CAAP1: variants seen among roughly 807,000 people sequenced by gnomAD.
CAAP1 encodes the protein conserved anti-apoptotic protein.
Under a neutral mutation model 34.0 loss-of-function variants are expected in CAAP1, and 20 were observed. That is an observed-to-expected ratio of 0.59 (90% CI 0.41 to 0.86). The LOEUF (loss-of-function observed/expected upper bound fraction) is 0.86, where lower values mean the gene tolerates loss of function less well. Among genes scored for constraint, CAAP1 ranks in the 40% least tolerant of loss-of-function variants. The probability of loss-of-function intolerance (pLI) is 0.00; values close to 1 mark genes in which losing one functional copy is unlikely to be tolerated. For synonymous variants in CAAP1, 213 were observed against 166.7 expected (o/e 1.28, Z -2.14); for missense variants, 538 against 450.5 (o/e 1.19, Z -1.76).
intron 1 of CAAP1, 87 bp downstream of exon 1, chr9:26,892,326 T>C: frequency 6.4e-7 from 1 of 1,555,704 alleles, no homozygotes. Flanking sequence ...AGCAGTGAGC[T>C]CCAGCCTGCG....
At chr9:26,873,536 G>C (rs1297548335) in intron 4 of CAAP1, among the ~76,000 whole-genome samples, 1 of 152,028 alleles carries the variant, frequency 6.6e-6, no homozygotes, top group African/African-American at 2.4e-5. Context: ...TGCTATTCAA[G>C]ACTTAAATTT....
chr9:26,860,733 G>C lies in CAAP1; in HGVS notation c.739+333C>G, dbSNP rs541721246. ...CGTGAACCGGGAGGCTGAGCTTGCAGTGAGCCAAGATCGCGCCACTGCACT... is the reference window on the plus strand; with the variant it reads ...CGTGAACCGGGAGGCTGAGCTTGCACTGAGCCAAGATCGCGCCACTGCACT... On this transcript the variant is annotated intron_variant, in intron 5 of 5. Transcript: ENST00000333916. Among the ~76,000 whole-genome samples the C allele has an allele frequency of 7.2e-3, 1,090 of 152,276 alleles. 14 individuals carry two copies. The highest frequency in any genetic ancestry group is 0.025 in the African/African-American group (1,032 of 41,556).
Position 26,842,070 on chromosome 9 carries a change from C to T in CAAP1, c.*231G>A. The T allele has an allele frequency of 2.6e-6, 1 of 382,212 alleles. No homozygotes were observed. The highest frequency in any genetic ancestry group is 4.6e-6 in the Non-Finnish European group (1 of 215,116). 23.7% of individuals were successfully genotyped at this position (382,212 alleles called of 1,614,324 possible). ...CTAAATACTCATCTAACAAAGTATC[C>T]AGGCTATCCAACTATATTGCCATGA... On this transcript the variant is annotated 3_prime_UTR_variant, in exon 6 of 6. Coordinates refer to ENST00000333916, the MANE Select transcript of CAAP1 (RefSeq NM_024828.4).
chr9:26,889,623 G>A (rs1823846883), intron 1 of CAAP1, among the ~76,000 whole-genome samples: 1 of 151,928 alleles, frequency 6.6e-6, no homozygotes, highest in Non-Finnish European at 1.5e-5. Flanking sequence ...GGGAGGCCGA[G>A]GTGGGAGGCT....
intron 4 of CAAP1, among the ~76,000 whole-genome samples, chr9:26,873,677 C>T (rs908676003): frequency 6.6e-6 from 1 of 152,152 alleles, no homozygotes; most frequent in Non-Finnish European, 1.5e-5. Context: ...AAAGACAACA[C>T]TCTAATTCCA....
chr9:26,885,168 C>T (rs1823705483), intron 3 of CAAP1, among the ~76,000 whole-genome samples: 1 of 151,302 alleles, frequency 6.6e-6, no homozygotes, highest in African/African-American at 2.4e-5. Context: ...CCTCCACCTC[C>T]CGGGTTCTAG....
In CAAP1 at chr9:26,848,941, A is replaced by G. The variant is rs541647727; in HGVS notation, c.740-6294T>C. The stretch of plus-strand genomic sequence containing the variant: ...TTTGTTCTGAAAAATTATTCCATTT[A>G]TTTATATGTCAGTGATGAATCTGAG... On this transcript the variant is annotated intron_variant, in intron 5 of 5. Coordinates refer to ENST00000333916, the MANE Select transcript of CAAP1 (RefSeq NM_024828.4). Among the ~76,000 whole-genome samples, 5 of 152,264 alleles carry G rather than the reference A, an allele frequency of 3.3e-5. No homozygotes were observed. In the South Asian group the frequency reaches 1.0e-3, roughly 32 times the overall value.
chr9:26,852,799 GA>G (rs367762619), intron 5 of CAAP1, among the ~76,000 whole-genome samples: 542 of 146,318 alleles, frequency 3.7e-3, no homozygotes, highest in African/African-American at 0.011. Flanking sequence ...ACGAGCTCTG[GA>G]AAAAAAAAAA....
Position 26,841,454 on chromosome 9 carries a change from A to G in CAAP1, c.*847T>C, listed in dbSNP as rs1822478144. 2 of 152,574 alleles carry G rather than the reference A, an allele frequency of 1.3e-5. No homozygotes were observed. The highest frequency in any genetic ancestry group is 4.1e-4 in the South Asian group (2 of 4,834). The allele number at this position is 152,574 out of a possible 1,614,324, so 9.5% of individuals were successfully genotyped here. On this transcript the variant is annotated 3_prime_UTR_variant, in exon 6 of 6. Coordinates refer to ENST00000333916, the MANE Select transcript of CAAP1 (RefSeq NM_024828.4). ...GTTCCTGAAATTAATTTTGCTTTTG[A>G]AAAAGTATCAAAAGTCTTCAGATCC...
chr9:26,872,574 T>TATATATATATA (rs1563888459), intron 4 of CAAP1, among the ~76,000 whole-genome samples: 2 of 138,176 alleles, frequency 1.4e-5, no homozygotes, highest in African/African-American at 6.1e-5. Context: ...ATATATATAT[T>TATATATATATA]TAGACAGAGT....
chr9:26,854,744 TGAGAA>T, intron 5 of CAAP1, among the ~76,000 whole-genome samples: 1 of 152,294 alleles, frequency 6.6e-6, no homozygotes, highest in East Asian at 1.9e-4. Flanking sequence ...ACAAATGATC[TGAGAA>T]GACAACTCAC....
chr9:26,846,887 A>C (rs1188812949), intron 5 of CAAP1, among the ~76,000 whole-genome samples: 1 of 151,682 alleles, frequency 6.6e-6, no homozygotes, highest in African/African-American at 2.4e-5. Context: ...GGGTTTCTCC[A>C]TGTTGGTCAG....
chr9:26,856,989 A>T (rs1294618829), intron 5 of CAAP1, among the ~76,000 whole-genome samples: 2 of 152,274 alleles, frequency 1.3e-5, no homozygotes, highest in Admixed American at 1.3e-4. Flanking sequence ...ATTTAAATAC[A>T]GACCAATATT....
chr9:26,842,227 A>G lies in CAAP1; in HGVS notation c.*74T>C, dbSNP rs558152309. ...TGAGAAATAACATATAAGACCCCAA[A>G]TAAATTTTAGATACAAAATTAAATG... On this transcript the variant is annotated 3_prime_UTR_variant, in exon 6 of 6. Coordinates refer to ENST00000333916, the MANE Select transcript of CAAP1 (RefSeq NM_024828.4). The G allele has an allele frequency of 2.3e-5, 29 of 1,236,516 alleles. No homozygotes were observed. Among genetic ancestry groups the G allele is most frequent in the Admixed American group, 1.7e-4 (6 of 35,990 alleles). The allele number at this position is 1,236,516 out of a possible 1,614,324, so 76.6% of individuals were successfully genotyped here. A position where few individuals can be genotyped will look rare whatever the true frequency, so the allele number is the denominator to read the frequency against.
intron 5 of CAAP1, among the ~76,000 whole-genome samples, chr9:26,845,765 T>G (rs1346034701): frequency 6.6e-6 from 1 of 152,200 alleles, no homozygotes; most frequent in Admixed American, 6.5e-5. Context: ...CATTAGTCTC[T>G]CTCATAAGGA....
intron 1 of CAAP1, among the ~76,000 whole-genome samples, chr9:26,891,857 CATTT>C (rs758994525): frequency 4.1e-4 from 62 of 152,306 alleles, no homozygotes; most frequent in Non-Finnish European, 5.4e-4. Flanking sequence ...CCTATTCATT[CATTT>C]GTTTTCAAAC....
At chr9:26,851,515 C>G (rs1822752359) in intron 5 of CAAP1, among the ~76,000 whole-genome samples, 1 of 152,194 alleles carries the variant, frequency 6.6e-6, no homozygotes. Context: ...TAGGGACTCC[C>G]TGCTAGTCTT....
chr9:26,852,633 C>T (rs1822779479), intron 5 of CAAP1, among the ~76,000 whole-genome samples: 2 of 152,190 alleles, frequency 1.3e-5, no homozygotes, highest in South Asian at 4.2e-4. Context: ...TATTGGAACA[C>T]ATGTATTAAA....
intron 4 of CAAP1, among the ~76,000 whole-genome samples, chr9:26,879,929 C>A (rs1388402012): frequency 6.6e-6 from 1 of 152,194 alleles, no homozygotes; most frequent in African/African-American, 2.4e-5. Context: ...TATTGTGGGA[C>A]TTTACCTTGT....
Sources: allele counts gnomAD v4.1 joint callset (sites outside exome capture counted in the v4.1 genomes callset), GRCh38; gene constraint gnomAD v4.1.1; transcripts MANE v1.5; gene names NCBI Gene and HGNC (gene_info 2026-07-23, HGNC 2026-07-21).